The following DLC1 variants were observed in gnomAD, a reference collection of about 807,000 sequenced individuals.
DLC1 encodes the protein DLC1 Rho GTPase activating protein.
A neutral mutation model predicts 140.3 loss-of-function variants in DLC1; 54 were observed. The ratio of observed to expected loss-of-function variants is 0.38; its 90% CI spans 0.31 to 0.48. The LOEUF (loss-of-function observed/expected upper bound fraction) is 0.48, where lower values mean the gene tolerates loss of function less well. DLC1 is among the 20% of genes least tolerant of loss of function. The probability of loss-of-function intolerance (pLI) is 0.96; values close to 1 mark genes in which losing one functional copy is unlikely to be tolerated. For synonymous variants in DLC1, 986 were observed against 728.1 expected, an observed-to-expected ratio of 1.35 and a Z score of -5.70; for missense variants, 2,536 against 1,907.0, an observed-to-expected ratio of 1.33 and a Z score of -6.14.
At position 13,359,492 on chromosome 8, in the gene DLC1, T is replaced by C. The variant is rs145117691; in HGVS notation, c.1314+34061A>G. On this transcript the variant is annotated intron_variant, in intron 4 of 17. Transcript: ENST00000276297. ...CGGCTCTGCTTGAGGTTAGTGGGAA[T>C]CTTGACTATTGGAAGAGGTGGGGTT... Among the ~76,000 whole-genome samples the C allele has an allele frequency of 9.7e-3, 1,476 of 152,212 alleles. 18 individuals are homozygous for C. Among genetic ancestry groups the C allele is most frequent in the Non-Finnish European group, 0.016 (1,081 of 68,014 alleles).
intron 4 of DLC1, among the ~76,000 whole-genome samples, chr8:13,377,389 G>A (rs780167084): frequency 4.6e-5 from 7 of 152,158 alleles, no homozygotes; most frequent in Non-Finnish European, 1.0e-4. Context: ...TCTGTGACAA[G>A]AAGAAATTTG....
chr8:13,383,394 G>A (rs1836362657), intron 4 of DLC1, among the ~76,000 whole-genome samples: 1 of 152,162 alleles, frequency 6.6e-6, no homozygotes, highest in Admixed American at 6.5e-5. Flanking sequence ...CTATACCGGA[G>A]GGGCTGTGCT....
chr8:13,504,473 A>G (rs778369866), intron 1 of DLC1, among the ~76,000 whole-genome samples: 2 of 152,202 alleles, frequency 1.3e-5, no homozygotes, highest in Non-Finnish European at 2.9e-5. Flanking sequence ...CAATTTTAGC[A>G]TGTGTTCCAG....
rs1383800614 is a variant in DLC1, at chr8:13,155,674, A to T, written c.1349-40017T>A. On this transcript the variant is annotated intron_variant, in intron 5 of 17. Coordinates refer to ENST00000276297, the MANE Select transcript of DLC1 (RefSeq NM_182643.3). ...TTTGAGGGTCTTCATTATGACTCTG[A>T]TAAAAATTTTGCTAATTTAGAATTA... 2.0e-5 allele frequency among the ~76,000 whole-genome samples: 3 copies of T among 152,110 alleles called. No individual in the cohort carries two copies. The East Asian group carries it at 5.8e-4, about 29-fold the overall frequency.
At chr8:13,135,305 C>T (rs1161484673) in intron 5 of DLC1, among the ~76,000 whole-genome samples, 3 of 151,270 alleles carry the variant, frequency 2.0e-5, no homozygotes, top group South Asian at 2.1e-4. Flanking sequence ...CTCAGCCTCC[C>T]GAGTAGCTGG....
At chr8:13,580,416 C>G (rs538774401) in intron 1 of DLC1, among the ~76,000 whole-genome samples, 21 of 152,262 alleles carry the variant, frequency 1.4e-4, no homozygotes, top group African/African-American at 4.6e-4. Flanking sequence ...CCACCGCGCC[C>G]GGCAGGTTGG....
At chr8:13,208,664 G>A (rs1827787863) in intron 5 of DLC1, among the ~76,000 whole-genome samples, 1 of 151,414 alleles carries the variant, frequency 6.6e-6, no homozygotes, top group East Asian at 1.9e-4. Context: ...CGTGGCTTAA[G>A]GATTAAGTTA....
chr8:13,214,696 A>T (rs768771452), intron 5 of DLC1: 1 of 780,734 alleles, frequency 1.3e-6, no homozygotes, highest in Admixed American at 1.7e-5. Flanking sequence ...AGACAAACCA[A>T]TTGCCACTTC....
At chr8:13,394,159 C>T (rs997197176) in intron 3 of DLC1, among the ~76,000 whole-genome samples, 1 of 152,212 alleles carries the variant, frequency 6.6e-6, no homozygotes, top group Non-Finnish European at 1.5e-5. Context: ...TTCTATGTTC[C>T]TATTCAACCT....
At chr8:13,453,413 T>A (rs1354396765) in intron 2 of DLC1, among the ~76,000 whole-genome samples, 1 of 53,046 alleles carries the variant, frequency 1.9e-5, no homozygotes, top group Non-Finnish European at 3.0e-5. Context: ...TGTATATATA[T>A]ATATATATAT....
intron 5 of DLC1, among the ~76,000 whole-genome samples, chr8:13,243,488 G>A (rs1264585880): frequency 6.6e-6 from 1 of 152,028 alleles, no homozygotes; most frequent in Non-Finnish European, 1.5e-5. Context: ...CCAGTCTCAG[G>A]TAGTTTTGTA....
At chr8:13,188,805 A>G (rs553380445) in intron 5 of DLC1, among the ~76,000 whole-genome samples, 1,033 of 37,596 alleles carry the variant, frequency 0.027, 20 homozygotes, top group African/African-American at 0.098. Context: ...GTGTGTGTAT[A>G]TATATATATA....
At chr8:13,387,839 T>C (rs969882860) in intron 4 of DLC1, among the ~76,000 whole-genome samples, 6 of 152,026 alleles carry the variant, frequency 3.9e-5, no homozygotes, top group Non-Finnish European at 2.9e-5. Context: ...GCATATTTAT[T>C]ATTTGTAGCA....
chr8:13,269,701 C>CAAAAAAAAAAAAAA (rs57030004), intron 5 of DLC1, among the ~76,000 whole-genome samples: 2 of 99,478 alleles, frequency 2.0e-5, no homozygotes, highest in Non-Finnish European at 4.0e-5. Context: ...AAAACTCTGT[C>CAAAAAAAAAAAAAA]AAAAAAAAAA....
chr8:13,571,841 G>T (rs35577784), intron 1 of DLC1, among the ~76,000 whole-genome samples: 1 of 152,084 alleles, frequency 6.6e-6, no homozygotes, highest in African/African-American at 2.4e-5. Context: ...ACAAGGATTC[G>T]GATTTTTTCA....
At chr8:13,236,370 A>C (rs942323363) in intron 5 of DLC1, among the ~76,000 whole-genome samples, 1 of 152,064 alleles carries the variant, frequency 6.6e-6, no homozygotes, top group Non-Finnish European at 1.5e-5. Flanking sequence ...ATTGTACTTT[A>C]AGTAATGGGA....
At chr8:13,384,908 A>G (rs1250290463) in intron 4 of DLC1, among the ~76,000 whole-genome samples, 1 of 148,724 alleles carries the variant, frequency 6.7e-6, no homozygotes, top group Non-Finnish European at 1.5e-5. Context: ...GGCTTATCCT[A>G]GAGGCTGGAC....
chr8:13,441,737 A>G (rs1244206150), intron 2 of DLC1, among the ~76,000 whole-genome samples: 1 of 152,162 alleles, frequency 6.6e-6, no homozygotes, highest in Non-Finnish European at 1.5e-5. Context: ...GGAACATTCC[A>G]TGCTCATGGG....
At chr8:13,093,531 G>T (rs1405870826) in intron 12 of DLC1, among the ~76,000 whole-genome samples, 1 of 152,118 alleles carries the variant, frequency 6.6e-6, no homozygotes, top group African/African-American at 2.4e-5. Context: ...CAATCTACAG[G>T]TAGAAAATGC....
Sources: gnomAD v4.1 joint callset for allele counts (sites outside exome capture counted in the v4.1 genomes callset) on GRCh38, gnomAD v4.1.1 for gene constraint, MANE v1.5 for transcripts, NCBI Gene and HGNC (gene_info 2026-07-23, HGNC 2026-07-21) for gene names.